ATP8B1: variants seen among roughly 807,000 people sequenced by gnomAD.
ATP8B1 encodes the protein ATPase phospholipid transporting 8B1.
A neutral mutation model predicts 149.9 loss-of-function variants in ATP8B1; 80 were observed. That is an observed-to-expected ratio of 0.53 (90% CI 0.45 to 0.64). The LOEUF is 0.64. ATP8B1 is among the 30% of genes least tolerant of loss of function. The pLI is 0.00. For missense variants in ATP8B1, 1,247 were observed against 1,552.6 expected (o/e 0.80, Z 3.31); for synonymous variants, 536 against 562.8 (o/e 0.95, Z 0.67).
intron 2 of ATP8B1, among the ~76,000 whole-genome samples, chr18:57,719,029 A>G (rs1286592622): frequency 6.6e-6 from 1 of 152,206 alleles, no homozygotes; most frequent in Non-Finnish European, 1.5e-5. Flanking sequence ...AAAGAAATAA[A>G]CGGCATCCAA....
At chr18:57,694,805 G>A (rs113318150) in intron 10 of ATP8B1, 135 bp from the exon 11 acceptor site, 62 of 729,940 alleles carry the variant, frequency 8.5e-5, no homozygotes, top group African/African-American at 5.4e-4. Context: ...TGAGTTGGGC[G>A]GATCACCTGA....
chr18:57,790,783 C>T (rs559112911), intron 1 of ATP8B1, among the ~76,000 whole-genome samples: 55 of 152,138 alleles, frequency 3.6e-4, no homozygotes, highest in African/African-American at 9.2e-4. Context: ...TGCAGTGGTG[C>T]GATCTCCACT....
Position 57,672,905 on chromosome 18 carries a change from T to TAC in ATP8B1, c.1820-1326_1820-1325insGT, listed in dbSNP as rs1911310671. 1.1e-4 allele frequency among the ~76,000 whole-genome samples: 7 copies of TAC among 65,696 alleles called. No individual in the cohort carries two copies. The South Asian group carries it at 3.8e-3, about 36-fold the overall frequency. The allele number at this position is 65,696 out of a possible 152,430, so 43.1% of individuals were successfully genotyped here. On this transcript the variant is annotated intron_variant, in intron 16 of 27. Coordinates refer to ENST00000648908, the MANE Select transcript of ATP8B1 (RefSeq NM_001374385.1). ...AAAAAAGTATATATATATATATATA[T>TAC]ATATATATATATATATATATATATA... is the stretch of plus-strand genomic sequence containing the variant.
intron 1 of ATP8B1, among the ~76,000 whole-genome samples, chr18:57,757,485 T>C (rs60509205): frequency 0.079 from 11,969 of 152,190 alleles, 524 homozygotes; most frequent in Middle Eastern, 0.14. Context: ...CTTTGATGGA[T>C]AGAGCTAAGT....
intron 1 of ATP8B1, among the ~76,000 whole-genome samples, chr18:57,775,175 G>A (rs1224405164): frequency 6.6e-6 from 1 of 152,114 alleles, no homozygotes; most frequent in Non-Finnish European, 1.5e-5. Flanking sequence ...ATAGTAGTTG[G>A]GCGTGGTGGC....
chr18:57,717,276 T>C (rs1238630984), intron 2 of ATP8B1, among the ~76,000 whole-genome samples: 1 of 151,990 alleles, frequency 6.6e-6, no homozygotes, highest in Non-Finnish European at 1.5e-5. Flanking sequence ...CCAGGTGCAG[T>C]GGCTCACGCC....
intron 3 of ATP8B1, among the ~76,000 whole-genome samples, chr18:57,705,170 T>C (rs1023300797): frequency 1.3e-5 from 2 of 152,226 alleles, no homozygotes; most frequent in Non-Finnish European, 2.9e-5. Flanking sequence ...TGGAGTCTTA[T>C]GACAGAGGCA....
At chr18:57,661,961 G>T (rs3210483) in intron 21 of ATP8B1, among the ~76,000 whole-genome samples, 1 of 151,946 alleles carries the variant, frequency 6.6e-6, no homozygotes, top group African/African-American at 2.4e-5. Flanking sequence ...CTTGTGATCT[G>T]CCCGCCTTGG....
chr18:57,702,190 T>C (rs1913162620), intron 4 of ATP8B1, among the ~76,000 whole-genome samples: 1 of 152,238 alleles, frequency 6.6e-6, no homozygotes, highest in African/African-American at 2.4e-5. Flanking sequence ...ATCATCACTA[T>C]TGGCCTATCC....
At chr18:57,793,278 T>G (rs1419998721) in intron 1 of ATP8B1, among the ~76,000 whole-genome samples, 1 of 152,166 alleles carries the variant, frequency 6.6e-6, no homozygotes, top group East Asian at 1.9e-4. Context: ...GTTGCACGTA[T>G]GCCTGTGTCC....
In ATP8B1 at chr18:57,713,263, C is replaced by T. The variant is rs867131656; in HGVS notation, c.182-6676G>A. ...TCCTTCTTTCTTTCTTTCTTTCTTT[C>T]TCTTTCTTTCTTTCTTTTTTCTTTC... On this transcript the variant is annotated intron_variant, in intron 2 of 27. Transcript: ENST00000648908. 2.5e-3 allele frequency among the ~76,000 whole-genome samples: 239 copies of T among 94,318 alleles called. 3 individuals carry two copies. Among genetic ancestry groups the T allele is most frequent in the African/African-American group, 9.6e-3 (227 of 23,570 alleles). The allele number at this position is 94,318 out of a possible 152,430, so 61.9% of individuals were successfully genotyped here.
rs186577213 is a variant in ATP8B1, at chr18:57,793,952, A to G, written c.-26+9046T>C. Among the ~76,000 whole-genome samples, 395 of 152,348 alleles carry G rather than the reference A, an allele frequency of 2.6e-3. 4 individuals carry two copies. The highest frequency in any genetic ancestry group is 2.6e-3 in the Non-Finnish European group (179 of 68,034). The stretch of plus-strand genomic sequence containing the variant: ...TTTTCATGTTGTTCTACAGAAGGAG[A>G]GAAAGCCTAAGACTGATAACAAAAG... On this transcript the variant is annotated intron_variant, in intron 1 of 27. Transcript: ENST00000648908.
At chr18:57,738,498 G>A (rs2123192434) in intron 1 of ATP8B1, among the ~76,000 whole-genome samples, 1 of 152,232 alleles carries the variant, frequency 6.6e-6, no homozygotes, top group East Asian at 1.9e-4. Context: ...GGTGGCACAT[G>A]CCTGTAATCC....
At chr18:57,729,435 T>G (rs1473143177) in intron 2 of ATP8B1, among the ~76,000 whole-genome samples, 1 of 152,208 alleles carries the variant, frequency 6.6e-6, no homozygotes, top group African/African-American at 2.4e-5. Context: ...AGAACTTCCT[T>G]GTAACTTGTC....
intron 2 of ATP8B1, among the ~76,000 whole-genome samples, chr18:57,715,468 C>CA (rs770437626): frequency 1.2e-4 from 19 of 152,056 alleles, no homozygotes; most frequent in Non-Finnish European, 2.6e-4. Flanking sequence ...AGGATAATAA[C>CA]AGAGAACTTC....
rs1240724619 is a variant in ATP8B1, at chr18:57,668,454, G to A, written c.2184C>T (p.Ile728=). 2 of 1,598,324 alleles carry A rather than the reference G, an allele frequency of 1.3e-6. No homozygotes were observed. The highest frequency in any genetic ancestry group is 1.7e-6 in the Non-Finnish European group (2 of 1,171,374). ...ISKLAKADIK[I]WVLTGDKKET... The stretch of plus-strand genomic sequence containing the variant: ...CCTTTTTGTCTCCAGTAAGCACCCA[G>A]ATCTTAATGTCAGCTTTTGCAAGTT... Residue 728 remains isoleucine, a synonymous_variant, in exon 19 of 28, where the codon ATC becomes ATT. Coordinates refer to ENST00000648908, the MANE Select transcript of ATP8B1 (RefSeq NM_001374385.1).
chr18:57,686,022 TG>T (rs1394584999), intron 13 of ATP8B1, among the ~76,000 whole-genome samples: 3 of 152,060 alleles, frequency 2.0e-5, no homozygotes, highest in Non-Finnish European at 4.4e-5. Flanking sequence ...CTGAGGCAGA[TG>T]GATCACTTGA....
At chr18:57,702,563 G>A (rs1913178800) in intron 4 of ATP8B1, among the ~76,000 whole-genome samples, 1 of 152,182 alleles carries the variant, frequency 6.6e-6, no homozygotes, top group South Asian at 2.1e-4. Flanking sequence ...CTGACCTTAA[G>A]AGAAGATAAC....
intron 12 of ATP8B1, among the ~76,000 whole-genome samples, chr18:57,689,255 A>T (rs1912410376): frequency 6.6e-6 from 1 of 152,118 alleles, no homozygotes; most frequent in African/African-American, 2.4e-5. Context: ...CTTTGCCCTA[A>T]GTGGTAGGGC....
Sources: gnomAD v4.1 joint callset for allele counts (sites outside exome capture counted in the v4.1 genomes callset) on GRCh38, gnomAD v4.1.1 for gene constraint, MANE v1.5 for transcripts, NCBI Gene and HGNC (gene_info 2026-07-23, HGNC 2026-07-21) for gene names.